LINGO1: variants seen among roughly 807,000 people sequenced by gnomAD.
The protein encoded by LINGO1 is leucine rich repeat and Ig domain containing 1.
LINGO1 carries 11 observed loss-of-function variants against 37.3 expected under a neutral mutation model. That is an observed-to-expected ratio of 0.29 (90% confidence interval 0.19 to 0.49). The LOEUF is 0.49. LINGO1 is among the 20% of genes least tolerant of loss of function. LINGO1 has a pLI of 0.99. For missense variants in LINGO1, 585 were observed against 878.2 expected (o/e 0.67, Z 4.22); for synonymous variants, 387 against 403.0 (o/e 0.96, Z 0.48).
chr15:77,633,137 G>T (rs1054044972), upstream of LINGO1, among the ~76,000 whole-genome samples: 11 of 151,914 alleles, frequency 7.2e-5, no homozygotes, highest in Non-Finnish European at 1.3e-4. Flanking sequence ...GCAGGCGAGG[G>T]GCGCACCAGC....
At position 77,632,727 on chromosome 15, in the gene LINGO1, C is replaced by T. The variant is rs1441106813; in HGVS notation, c.-412G>A. 6.9e-6 allele frequency among the ~76,000 whole-genome samples: 1 copy of T among 145,824 alleles called. No individual in the cohort carries two copies. Among genetic ancestry groups the T allele is most frequent in the Non-Finnish European group, 1.5e-5 (1 of 65,686 alleles). The stretch of plus-strand genomic sequence containing the variant: ...GGCCGGCGGGCAGCGGCCGCGCATG[C>T]TGCTCGGCGCCCCGCGTCGGGAGAG... On this transcript the variant is annotated 5_prime_UTR_variant, in exon 1 of 2. Coordinates refer to ENST00000355300, the MANE Select transcript of LINGO1 (RefSeq NM_032808.7). The surrounding 1 kb of genome is among the most constrained non-coding windows in gnomAD (Gnocchi z 6.0).
intron 3 of LINGO1, among the ~76,000 whole-genome samples, chr15:77,673,531 C>T (rs949757971): frequency 6.6e-6 from 1 of 152,202 alleles, no homozygotes; most frequent in African/African-American, 2.4e-5. Context: ...CCCTTGGCGT[C>T]CAGGACATAC....
intron 1 of LINGO1, among the ~76,000 whole-genome samples, chr15:77,800,653 C>T (rs1161547756): frequency 1.3e-5 from 2 of 152,134 alleles, no homozygotes; most frequent in African/African-American, 4.8e-5. Flanking sequence ...GTGGAGGAAG[C>T]GTTTATATGC....
At chr15:77,734,146 C>T (rs1289061775) in intron 2 of LINGO1, among the ~76,000 whole-genome samples, 1 of 152,150 alleles carries the variant, frequency 6.6e-6, no homozygotes, top group Admixed American at 6.5e-5. Flanking sequence ...CCCTCCAGCC[C>T]CCACTACTTC....
At chr15:77,786,020 G>GT (rs2076767161) in intron 1 of LINGO1, among the ~76,000 whole-genome samples, 1 of 152,284 alleles carries the variant, frequency 6.6e-6, no homozygotes, top group East Asian at 1.9e-4. Flanking sequence ...CCTCCGTGAG[G>GT]TAGGTATCAT....
In LINGO1 at chr15:77,632,288, C is replaced by A. The variant is rs954537349; in HGVS notation, c.6+22G>T. ...GCCGCGGGGCTGCCCGCTCGGGGCT[C>A]GGCCGCGGCCGCCTGGCTCACCTGC... On this transcript the variant is annotated intron_variant, in intron 1 of 1. Transcript: ENST00000355300. The surrounding 1 kb of genome is among the most constrained non-coding windows in gnomAD (Gnocchi z 6.0). 7.0e-7 allele frequency: 1 copy of A among 1,420,662 alleles called. No homozygotes were observed. 88.0% of individuals were successfully genotyped at this position (1,420,662 alleles called of 1,614,324 possible).
At chr15:77,719,081 G>A (rs1479216172) in intron 2 of LINGO1, among the ~76,000 whole-genome samples, 1 of 150,168 alleles carries the variant, frequency 6.7e-6, no homozygotes, top group African/African-American at 2.4e-5. Context: ...AGGGCGGAGG[G>A]TCCAGAGAGA....
intron 1 of LINGO1, among the ~76,000 whole-genome samples, chr15:77,782,639 T>A (rs985672848): frequency 6.6e-5 from 10 of 151,988 alleles, no homozygotes; most frequent in Non-Finnish European, 1.5e-4. Flanking sequence ...TTGGGCCAAA[T>A]TGAACCCGCC....
chr15:77,811,825 A>T (rs2077008117), intron 1 of LINGO1, among the ~76,000 whole-genome samples: 1 of 152,238 alleles, frequency 6.6e-6, no homozygotes, highest in South Asian at 2.1e-4. Context: ...TCTGGAAAAA[A>T]CAGATAAAGC....
intron 1 of LINGO1, among the ~76,000 whole-genome samples, chr15:77,801,580 A>G (rs1424992634): frequency 1.7e-5 from 2 of 115,432 alleles, no homozygotes; most frequent in African/African-American, 3.9e-5. Context: ...CAAAATCAAT[A>G]AAGAGTTAAT....
chr15:77,690,619 C>G (rs928997318), intron 2 of LINGO1: 2 of 152,200 alleles, frequency 1.3e-5, no homozygotes, highest in Admixed American at 1.3e-4. Context: ...GGGATCCTGA[C>G]CGATACAGTG....
upstream of LINGO1, among the ~76,000 whole-genome samples, chr15:77,639,343 G>C (rs2074454068): frequency 6.6e-6 from 1 of 152,006 alleles, no homozygotes; most frequent in African/African-American, 2.4e-5. Context: ...CTGTAAAATG[G>C]GTATAGTAAC....
Position 77,695,393 on chromosome 15 carries a change from C to G in LINGO1, c.-281+998G>C, listed in dbSNP as rs1466881099. 1.3e-5 allele frequency among the ~76,000 whole-genome samples: 2 copies of G among 152,088 alleles called. 1 individual carries two copies. Among genetic ancestry groups the G allele is most frequent in the African/African-American group, 4.8e-5 (2 of 41,418 alleles). ...AGACAGCTGAATGGACATGGGAACCCTGCAGGGGCCAGAAGAAGGCAGCTC... is the reference window on the plus strand; with the variant it reads ...AGACAGCTGAATGGACATGGGAACCGTGCAGGGGCCAGAAGAAGGCAGCTC... On this transcript the variant is annotated intron_variant, in intron 1 of 3. Transcript: ENST00000559893.
At chr15:77,743,487 G>T (rs994459579) in intron 1 of LINGO1, among the ~76,000 whole-genome samples, 4 of 152,290 alleles carry the variant, frequency 2.6e-5, no homozygotes, top group Admixed American at 2.6e-4. Context: ...TTAAAGACAG[G>T]TAGGCTGCAA....
intron 1 of LINGO1, among the ~76,000 whole-genome samples, chr15:77,798,254 G>C (rs1450353414): frequency 6.6e-6 from 1 of 152,214 alleles, no homozygotes; most frequent in Non-Finnish European, 1.5e-5. Context: ...TAGTCAGACA[G>C]GGGCACTGTC....
At chr15:77,689,027 A>G (rs1180578654) in intron 2 of LINGO1, among the ~76,000 whole-genome samples, 1 of 152,202 alleles carries the variant, frequency 6.6e-6, no homozygotes, top group African/African-American at 2.4e-5. Context: ...CACAGGCCGG[A>G]GCAGTCAGCA....
intron 1 of LINGO1, among the ~76,000 whole-genome samples, chr15:77,694,921 C>T (rs537049954): frequency 5.3e-4 from 80 of 152,220 alleles, no homozygotes; most frequent in Non-Finnish European, 9.3e-4. Flanking sequence ...GGGGTCTCCC[C>T]GGGGGGCCTG....
At chr15:77,679,016 C>A (rs973176316) in intron 2 of LINGO1, among the ~76,000 whole-genome samples, 6 of 152,068 alleles carry the variant, frequency 3.9e-5, no homozygotes, top group Non-Finnish European at 7.4e-5. Flanking sequence ...GATTATCCTG[C>A]CTGATTCCTG....
intron 1 of LINGO1, among the ~76,000 whole-genome samples, chr15:77,626,474 T>G (rs1480708826): frequency 6.6e-6 from 1 of 152,228 alleles, no homozygotes; most frequent in Non-Finnish European, 1.5e-5. Context: ...AGTCCATTTT[T>G]CCAACCTGGT....
Sources: allele counts gnomAD v4.1 joint callset (sites outside exome capture counted in the v4.1 genomes callset), GRCh38; gene constraint gnomAD v4.1.1; non-coding constraint Gnocchi (gnomAD v3.1); transcripts MANE v1.5; gene names NCBI Gene and HGNC (gene_info 2026-07-23, HGNC 2026-07-21).